Variants in XNDC1N observed in about 807,000 individuals in gnomAD.
XNDC1N encodes the protein protein XNDC1N.
the XNDC1N span, among the ~76,000 whole-genome samples, chr11:71,898,040 C>T: frequency 1.1e-4 from 16 of 151,666 alleles, no homozygotes; most frequent in African/African-American, 3.9e-4. Context: ...AAAAATGAAA[C>T]GAGCGTGGTG....
At chr11:71,915,983 GTGTC>G in the XNDC1N span, 4 of 650,328 alleles carry the variant, frequency 6.2e-6, no homozygotes, top group African/African-American at 3.6e-5. Flanking sequence ...ACGTGTGTGT[GTGTC>G]TATGTCTCAA....
At chr11:71,870,958 T>C in the XNDC1N span, among the ~76,000 whole-genome samples, 2 of 152,224 alleles carry the variant, frequency 1.3e-5, no homozygotes, top group African/African-American at 2.4e-5. Context: ...GTAGCCATTA[T>C]GGAAAACTTA....
chr11:71,923,922 A>G, the XNDC1N span, among the ~76,000 whole-genome samples: 1 of 152,166 alleles, frequency 6.6e-6, no homozygotes, highest in Non-Finnish European at 1.5e-5. Context: ...GGTTTGGATC[A>G]GCTGATGAGG....
chr11:71,882,417 G>T, the XNDC1N span, among the ~76,000 whole-genome samples: 1 of 152,162 alleles, frequency 6.6e-6, no homozygotes, highest in Non-Finnish European at 1.5e-5. Context: ...TTTTAGTAGA[G>T]ACTGGGTTTC....
chr11:71,903,829 G>A, the XNDC1N span: 10 of 351,120 alleles, frequency 2.8e-5, no homozygotes, highest in Admixed American at 3.5e-4. Flanking sequence ...TTCCCATCTC[G>A]GGGACCCTTT....
chr11:71,909,730 T>A, the XNDC1N span, among the ~76,000 whole-genome samples: 1 of 152,010 alleles, frequency 6.6e-6, no homozygotes, highest in East Asian at 1.9e-4. Context: ...TTTCTGCTTG[T>A]CTCAGACTTG....
chr11:71,866,146 C>CTT, the XNDC1N span, among the ~76,000 whole-genome samples: 3 of 147,026 alleles, frequency 2.0e-5, no homozygotes, highest in Non-Finnish European at 4.5e-5. Flanking sequence ...GAGATAACCC[C>CTT]TTTTTTTTTT....
the XNDC1N span, among the ~76,000 whole-genome samples, chr11:71,889,159 A>C: frequency 2.0e-5 from 3 of 152,218 alleles, no homozygotes; most frequent in African/African-American, 7.2e-5. Flanking sequence ...TGAGACTGTC[A>C]ACATTTACAC....
At chr11:71,924,784 A>T in the XNDC1N span, among the ~76,000 whole-genome samples, 1 of 152,238 alleles carries the variant, frequency 6.6e-6, no homozygotes, top group African/African-American at 2.4e-5. Context: ...CACACATATT[A>T]GTATAATGAA....
At chr11:71,880,166 T>C in the XNDC1N span, among the ~76,000 whole-genome samples, 1 of 152,202 alleles carries the variant, frequency 6.6e-6, no homozygotes, top group Non-Finnish European at 1.5e-5. Context: ...AGTCAATTGA[T>C]AATCTAAATC....
chr11:71,872,800 C>T, the XNDC1N span, among the ~76,000 whole-genome samples: 5,898 of 152,202 alleles, frequency 0.039, 389 homozygotes, highest in African/African-American at 0.14. Flanking sequence ...GGTTCTAGCA[C>T]CTTTTGGATG....
At chr11:71,899,811 T>C in the XNDC1N span, among the ~76,000 whole-genome samples, 1 of 152,134 alleles carries the variant, frequency 6.6e-6, no homozygotes, top group Non-Finnish European at 1.5e-5. Context: ...GTAAAGGGTC[T>C]GTGCTGAGGT....
At chr11:71,873,027 A>G in the XNDC1N span, among the ~76,000 whole-genome samples, 2 of 152,126 alleles carry the variant, frequency 1.3e-5, no homozygotes, top group Non-Finnish European at 2.9e-5. Context: ...CTAAGACTCA[A>G]CTAATATATG....
the XNDC1N span, among the ~76,000 whole-genome samples, chr11:71,922,851 ATCAGGCCTGGTC>A: frequency 6.6e-6 from 1 of 152,208 alleles, no homozygotes; most frequent in African/African-American, 2.4e-5. Flanking sequence ...ACCACATCAG[ATCAGGCCTGGTC>A]TCAGGGCCTA....
At chr11:71,893,358 G>T in the XNDC1N span, 4 of 618,318 alleles carry the variant, frequency 6.5e-6, no homozygotes, top group Non-Finnish European at 1.2e-5. Flanking sequence ...TGTATGGTCC[G>T]CAAGTGTCAA....
chr11:71,927,225 C>A, the XNDC1N span, among the ~76,000 whole-genome samples: 1 of 151,792 alleles, frequency 6.6e-6, no homozygotes. Context: ...CCAGCCTGGG[C>A]GACAGAGCCG....
At chr11:71,893,735 G>C in the XNDC1N span, 12 of 1,243,042 alleles carry the variant, frequency 9.7e-6, no homozygotes, top group African/African-American at 1.8e-4. Flanking sequence ...CAGTCGCATA[G>C]CAGAGTCATC....
chr11:71,903,358 C>T, the XNDC1N span: 8 of 1,459,440 alleles, frequency 5.5e-6, no homozygotes, highest in Admixed American at 1.7e-5. Context: ...CCCACCTCCA[C>T]ACCCCATGTA....
chr11:71,909,581 G>C, the XNDC1N span, among the ~76,000 whole-genome samples: 3 of 152,236 alleles, frequency 2.0e-5, no homozygotes, highest in East Asian at 5.8e-4. Flanking sequence ...CCTCTGGTCA[G>C]AATGATAGTC....
Sources: allele counts gnomAD v4.1 joint callset (sites outside exome capture counted in the v4.1 genomes callset), GRCh38; gene constraint gnomAD v4.1.1; transcripts MANE v1.5; gene names NCBI Gene and HGNC (gene_info 2026-07-23, HGNC 2026-07-21).